Variants in PCDHGB1 observed in about 807,000 individuals in gnomAD.
PCDHGB1 encodes protocadherin gamma subfamily B, 1.
PCDHGB1 carries 34 observed loss-of-function variants against 56.6 expected under a neutral mutation model. That is an observed-to-expected ratio of 0.60 (90% CI 0.46 to 0.80). The LOEUF (loss-of-function observed/expected upper bound fraction) is 0.80, where lower values mean the gene tolerates loss of function less well. PCDHGB1 is among the 30% of genes least tolerant of loss of function. PCDHGB1 has a pLI of 0.00. For missense variants in PCDHGB1, 1,278 were observed against 1,204.6 expected (o/e 1.06, Z -0.90); for synonymous variants, 561 against 505.9 (o/e 1.11, Z -1.46).
intron 1 of PCDHGB1, among the ~76,000 whole-genome samples, chr5:141,482,161 G>A (rs2099554171): frequency 6.6e-6 from 1 of 152,008 alleles, no homozygotes; most frequent in Non-Finnish European, 1.5e-5. Context: ...TCAAAGATAT[G>A]TAAGATTAAG....
rs1387036035 is a variant in PCDHGB1, at chr5:141,432,158, A to G, written c.2410-62649A>G. ...CGCTTATATCCCAGAGAACAATCCC[A>G]GAGGAGTTTCCCTCGTCTCTGTGAC... is the stretch of plus-strand genomic sequence containing the variant. On this transcript the variant is annotated intron_variant, in intron 1 of 3. Coordinates refer to ENST00000523390, the MANE Select transcript of PCDHGB1 (RefSeq NM_018922.3). The surrounding 1 kb of genome is among the most constrained non-coding windows in gnomAD (Gnocchi z 6.0). The G allele has an allele frequency of 6.2e-7, 1 of 1,613,932 alleles. No individual in the cohort carries two copies. Among genetic ancestry groups the G allele is most frequent in the Non-Finnish European group, 8.5e-7 (1 of 1,180,002 alleles).
At chr5:141,414,748 G>A in intron 1 of PCDHGB1, 5 of 1,614,182 alleles carry the variant, frequency 3.1e-6, no homozygotes, top group Non-Finnish European at 4.2e-6. Context: ...CAGATCCTTC[G>A]ACTATGAGCA....
At position 141,462,908 on chromosome 5, in the gene PCDHGB1, T is replaced by G. The variant is rs186061013; in HGVS notation, c.2410-31899T>G. ...AGTTTGTTTTGGAAGGCTATTATGT[T>G]TTTTGCAGATCAGGTTGATCTTTTC... On this transcript the variant is annotated intron_variant, in intron 1 of 3. Coordinates refer to ENST00000523390, the MANE Select transcript of PCDHGB1 (RefSeq NM_018922.3). Among the ~76,000 whole-genome samples the G allele has an allele frequency of 1.4e-4, 21 of 152,362 alleles. No individual in the cohort carries two copies. The East Asian group carries it at 3.5e-3, about 25-fold the overall frequency.
intron 2 of PCDHGB1, among the ~76,000 whole-genome samples, chr5:141,496,631 G>A (rs1434126210): frequency 6.6e-6 from 1 of 152,164 alleles, no homozygotes; most frequent in Admixed American, 6.5e-5. Context: ...CAAAAGGCTT[G>A]GGCTGCCCTT....
chr5:141,392,360 CAATCTGATCATTCTGATCT>C (rs1372415416), intron 1 of PCDHGB1: 2 of 152,712 alleles, frequency 1.3e-5, no homozygotes, highest in Non-Finnish European at 2.9e-5. Context: ...TCCGATGCTA[CAATCTGATCATTCTGATCT>C]AATCTGATCA....
chr5:141,431,506 G>T lies in PCDHGB1; in HGVS notation c.2410-63301G>T. 1.2e-6 allele frequency: 2 copies of T among 1,613,988 alleles called. No homozygotes were observed. Among genetic ancestry groups the T allele is most frequent in the South Asian group, 2.2e-5 (2 of 91,084 alleles). The stretch of plus-strand genomic sequence containing the variant: ...CGTTTGCTCAGCCCGAGTACCGCGC[G>T]AGCGTTCCGGAGAATCTGGCCTTGG... On this transcript the variant is annotated intron_variant, in intron 1 of 3. Coordinates refer to ENST00000523390, the MANE Select transcript of PCDHGB1 (RefSeq NM_018922.3). This position sits in a 1 kb window ranked among gnomAD's most constrained non-coding sequence, Gnocchi z 4.8.
intron 1 of PCDHGB1, chr5:141,370,541 C>T (rs760146561): frequency 5.0e-6 from 8 of 1,613,924 alleles, no homozygotes; most frequent in Non-Finnish European, 5.9e-6. Flanking sequence ...TGGTAGGGAA[C>T]CTCGCCAAGG....
Position 141,374,740 on chromosome 5 carries a change from C to T in PCDHGB1, c.2409+22071C>T, listed in dbSNP as rs1337639511. On this transcript the variant is annotated intron_variant, in intron 1 of 3. Transcript: ENST00000523390. ...TCCTTACTGCCATGGATGGCGGCGA[C>T]CCTGTCCGCTCAAGCGTCGCCCAAA... 7 of 1,611,592 alleles carry T rather than the reference C, an allele frequency of 4.3e-6. No homozygotes were observed. In the South Asian group the frequency reaches 6.6e-5, roughly 15 times the overall value.
Position 141,491,680 on chromosome 5 carries a change from A to G in PCDHGB1, c.2410-3127A>G. The G allele has an allele frequency of 6.2e-7, 1 of 1,613,304 alleles. No individual in the cohort carries two copies. The highest frequency in any genetic ancestry group is 2.2e-5 in the East Asian group (1 of 44,820). ...TGACGCCATCCGGTCCCGCTCTAATACGCTGCGGGAGCGGAGCCAGGTGAG... is the reference window on the plus strand; with the variant it reads ...TGACGCCATCCGGTCCCGCTCTAATGCGCTGCGGGAGCGGAGCCAGGTGAG... On this transcript the variant is annotated intron_variant, in intron 1 of 3. Transcript: ENST00000523390. The surrounding 1 kb of genome is among the most constrained non-coding windows in gnomAD (Gnocchi z 6.9).
rs761468303 is a variant in PCDHGB1 at position 141,421,659 on chromosome 5, T to C, written c.2409+68990T>C. 4 of 1,613,700 alleles carry C rather than the reference T, an allele frequency of 2.5e-6. No individual in the cohort carries two copies. The Admixed American group carries it at 6.7e-5, about 27-fold the overall frequency. On this transcript the variant is annotated intron_variant, in intron 1 of 3. Transcript: ENST00000523390. ...AGGACGAAGTGGAGATAAAAGTCAG[T>C]GAGCACGCAATTCCTGGGGCGCGAT...
chr5:141,375,624 T>G, intron 1 of PCDHGB1: 5 of 1,614,224 alleles, frequency 3.1e-6, no homozygotes, highest in Non-Finnish European at 3.4e-6. Flanking sequence ...ACTGGGATTC[T>G]GTACGCCCTG....
At position 141,485,532 on chromosome 5, in the gene PCDHGB1, A is replaced by C. The variant is rs1360942348; in HGVS notation, c.2410-9275A>C. 6.2e-7 allele frequency: 1 copy of C among 1,614,108 alleles called. No individual in the cohort carries two copies. The highest frequency in any genetic ancestry group is 1.7e-5 in the Admixed American group (1 of 60,000). ...GGTCCTTTGGAAATGTACCGAGCAG[A>C]GGTAGAGATCGTAGATGTGAATGAT... On this transcript the variant is annotated intron_variant, in intron 1 of 3. Transcript: ENST00000523390. This position sits in a 1 kb window ranked among gnomAD's most constrained non-coding sequence, Gnocchi z 5.7.
At chr5:141,436,256 C>T (rs953463822) in intron 1 of PCDHGB1, among the ~76,000 whole-genome samples, 1 of 152,100 alleles carries the variant, frequency 6.6e-6, no homozygotes, top group South Asian at 2.1e-4. Context: ...TTATTCTGAC[C>T]TCTGCTCACC....
At chr5:141,384,606 AGAT>A (rs1561603197) in intron 1 of PCDHGB1, 6 of 1,614,152 alleles carry the variant, frequency 3.7e-6, no homozygotes, top group Non-Finnish European at 5.1e-6. Flanking sequence ...CCCTCCCCAC[AGAT>A]GGTTCTACTG....
intron 1 of PCDHGB1, chr5:141,409,044 T>G (rs2095215005): frequency 6.2e-7 from 1 of 1,613,762 alleles, no homozygotes; most frequent in African/African-American, 1.3e-5. Context: ...AACTACTACT[T>G]CCGAAGCACT....
intron 1 of PCDHGB1, chr5:141,402,874 C>T: frequency 2.7e-6 from 4 of 1,460,728 alleles, no homozygotes; most frequent in South Asian, 1.5e-5. Flanking sequence ...GATCACCATA[C>T]TTTGCAGGGT....
At chr5:141,468,924 C>G (rs1434433938) in intron 1 of PCDHGB1, among the ~76,000 whole-genome samples, 1 of 150,520 alleles carries the variant, frequency 6.6e-6, no homozygotes, top group Non-Finnish European at 1.5e-5. Context: ...GAGAATAGCA[C>G]TAAAATGGGA....
intron 1 of PCDHGB1, chr5:141,355,995 A>G: frequency 6.2e-7 from 1 of 1,613,888 alleles, no homozygotes; most frequent in South Asian, 1.1e-5. Flanking sequence ...TCACCGTAAA[A>G]GCCACTGATC....
At chr5:141,391,312 T>C (rs2092346265) in intron 1 of PCDHGB1, 1 of 151,466 alleles carries the variant, frequency 6.6e-6, no homozygotes, top group African/African-American at 2.4e-5. Flanking sequence ...GATTCTTTTT[T>C]TTTTCTTTTT....
Sources: gnomAD v4.1 joint callset for allele counts (sites outside exome capture counted in the v4.1 genomes callset) on GRCh38, gnomAD v4.1.1 for gene constraint, Gnocchi (gnomAD v3.1) non-coding constraint, MANE v1.5 for transcripts, NCBI Gene and HGNC (gene_info 2026-07-23, HGNC 2026-07-21) for gene names.